RNF150: variants seen among roughly 807,000 people sequenced by gnomAD.
The protein encoded by RNF150 is ring finger protein 150.
In RNF150, 24 loss-of-function variants were observed where a neutral mutation model predicts 39.3. The ratio of observed to expected loss-of-function variants is 0.61; its 90% CI spans 0.44 to 0.86. RNF150 has a LOEUF of 0.86. Among genes scored for constraint, RNF150 ranks in the 40% least tolerant of loss-of-function variants. RNF150 has a pLI of 0.00. For synonymous variants in RNF150, 255 were observed against 227.3 expected (o/e 1.12, Z -1.10); for missense variants, 502 against 587.8 (o/e 0.85, Z 1.51).
Position 140,868,355 on chromosome 4 carries a change from C to G in RNF150, c.1223G>C (p.Ser408Thr). The G allele has an allele frequency of 6.2e-7, 1 of 1,612,444 alleles. No homozygotes were observed. The highest frequency in any genetic ancestry group is 1.3e-5 in the African/African-American group (1 of 75,004). ...TNSEQEPAVS[S>T]DSDISLIMAM... ...CATGATCAAGGAAATGTCAGAATCA[C>G]TGCTTACAGCTGGCTCCTGCTCACC... Residue 408 changes from serine to threonine, a missense_variant, in exon 7 of 7, where the codon AGT becomes ACT. Ser to Thr is a moderately conservative substitution (Grantham distance 58, BLOSUM62 1). Coordinates refer to ENST00000515673, the MANE Select transcript of RNF150 (RefSeq NM_020724.2).
chr4:140,915,180 A>C (rs1440798460), intron 5 of RNF150, among the ~76,000 whole-genome samples: 1 of 152,246 alleles, frequency 6.6e-6, no homozygotes, highest in African/African-American at 2.4e-5. Flanking sequence ...TGAAGCATGA[A>C]CAGACATCAG....
intron 5 of RNF150, 93 bp downstream of exon 5, chr4:140,925,884 G>T: frequency 2.3e-6 from 2 of 851,526 alleles, no homozygotes; most frequent in South Asian, 3.0e-5. Flanking sequence ...TGACTGAGGG[G>T]ACACAGAACA....
At chr4:140,931,512 A>G (rs1381336339) in intron 4 of RNF150, among the ~76,000 whole-genome samples, 1 of 152,196 alleles carries the variant, frequency 6.6e-6, no homozygotes, top group Non-Finnish European at 1.5e-5. Context: ...AGGATAGGGA[A>G]AGGATCTGGA....
chr4:141,161,634 G>A (rs778878743), intron 1 of RNF150, among the ~76,000 whole-genome samples: 8 of 152,224 alleles, frequency 5.3e-5, no homozygotes, highest in Middle Eastern at 3.2e-3. Context: ...CAGGCCCAGA[G>A]GCCTAGGAGG....
chr4:141,202,462 A>G (rs1321133580), intron 1 of RNF150, among the ~76,000 whole-genome samples: 1 of 152,130 alleles, frequency 6.6e-6, no homozygotes, highest in East Asian at 1.9e-4. Flanking sequence ...GTATATTCTT[A>G]TAGACACTTT....
intron 2 of RNF150, among the ~76,000 whole-genome samples, chr4:140,964,754 A>AT (rs1200571433): frequency 6.6e-6 from 1 of 151,986 alleles, no homozygotes; most frequent in Non-Finnish European, 1.5e-5. Context: ...AAAAATAAAC[A>AT]TGAAAAGAGT....
At chr4:141,177,477 TC>T (rs1727833394) in intron 1 of RNF150, among the ~76,000 whole-genome samples, 1 of 642 alleles carries the variant, frequency 1.6e-3, no homozygotes, top group Admixed American at 0.17. Flanking sequence ...ATTGATTCTT[TC>T]TCTCTCTCTC....
chr4:140,914,314 A>G (rs911760885), intron 5 of RNF150, among the ~76,000 whole-genome samples: 5 of 152,256 alleles, frequency 3.3e-5, no homozygotes, highest in Admixed American at 2.0e-4. Context: ...TACATGGTTC[A>G]TCAAATGGAA....
intron 1 of RNF150, among the ~76,000 whole-genome samples, chr4:141,159,909 G>A (rs1046554888): frequency 4.6e-5 from 7 of 151,192 alleles, no homozygotes; most frequent in African/African-American, 1.7e-4. Flanking sequence ...GTCCTTACTG[G>A]TGTGTTTTTT....
At chr4:141,203,593 G>A (rs1728324226) in intron 1 of RNF150, among the ~76,000 whole-genome samples, 1 of 151,748 alleles carries the variant, frequency 6.6e-6, no homozygotes, top group Non-Finnish European at 1.5e-5. Flanking sequence ...CCAGGTCTGG[G>A]GAAGTTATTC....
At chr4:141,029,770 A>G (rs1735853630) in intron 1 of RNF150, among the ~76,000 whole-genome samples, 1 of 152,248 alleles carries the variant, frequency 6.6e-6, no homozygotes, top group Admixed American at 6.5e-5. Flanking sequence ...TGCAAATCAT[A>G]TATTGGATAA....
intron 1 of RNF150, among the ~76,000 whole-genome samples, chr4:141,105,865 T>C (rs1739178680): frequency 1.3e-5 from 2 of 152,242 alleles, no homozygotes; most frequent in Non-Finnish European, 2.9e-5. Context: ...CACTCTTCAG[T>C]GCAGCTAGCA....
chr4:140,939,606 T>TTGTGTG (rs142516967), intron 4 of RNF150, among the ~76,000 whole-genome samples: 13 of 138,494 alleles, frequency 9.4e-5, no homozygotes, highest in African/African-American at 3.5e-4. Context: ...CAAGTGGAGT[T>TTGTGTG]TGTGTGTGTG....
chr4:141,171,003 C>T (rs935047419), intron 1 of RNF150, among the ~76,000 whole-genome samples: 30 of 152,118 alleles, frequency 2.0e-4, no homozygotes, highest in East Asian at 3.9e-4. Context: ...AAGAGGAATA[C>T]GAGATAATCT....
At chr4:141,096,041 G>T (rs1170878515) in intron 1 of RNF150, among the ~76,000 whole-genome samples, 1 of 152,014 alleles carries the variant, frequency 6.6e-6, no homozygotes, top group Non-Finnish European at 1.5e-5. Flanking sequence ...TCTATGATGG[G>T]AAATGAGTAG....
chr4:141,112,914 TGTTC>T (rs1739433449), intron 1 of RNF150, among the ~76,000 whole-genome samples: 1 of 141,946 alleles, frequency 7.0e-6, no homozygotes, highest in African/African-American at 3.1e-5. Context: ...TTGGAGGCTT[TGTTC>T]GTTCGTTTTC....
chr4:141,097,796 A>AT (rs1738856670), intron 1 of RNF150, among the ~76,000 whole-genome samples: 1 of 151,170 alleles, frequency 6.6e-6, no homozygotes, highest in South Asian at 2.1e-4. Flanking sequence ...TGACCTTGCT[A>AT]TTTTTTACGG....
At chr4:141,198,277 T>G (rs2111212525) in intron 1 of RNF150, among the ~76,000 whole-genome samples, 1 of 152,274 alleles carries the variant, frequency 6.6e-6, no homozygotes. Context: ...TCCACCTGCC[T>G]CGGCCTCCCA....
At chr4:140,962,577 C>T (rs1733085124) in intron 2 of RNF150, among the ~76,000 whole-genome samples, 1 of 151,648 alleles carries the variant, frequency 6.6e-6, no homozygotes, top group Admixed American at 6.6e-5. Flanking sequence ...ATTTTCATTG[C>T]CTTGTGTTTG....
Sources: allele counts gnomAD v4.1 joint callset (sites outside exome capture counted in the v4.1 genomes callset), GRCh38; gene constraint gnomAD v4.1.1; transcripts MANE v1.5; gene names NCBI Gene and HGNC (gene_info 2026-07-23, HGNC 2026-07-21).